KIAA1549L: variants seen among roughly 807,000 people sequenced by gnomAD.
KIAA1549L encodes the protein KIAA1549 like.
In KIAA1549L, 88 loss-of-function variants were observed where a neutral mutation model predicts 160.7. The ratio of observed to expected loss-of-function variants is 0.55; its 90% CI spans 0.46 to 0.65. KIAA1549L has a LOEUF of 0.65. KIAA1549L is among the 30% of genes least tolerant of loss of function. The probability of loss-of-function intolerance (pLI) is 0.00; values close to 1 mark genes in which losing one functional copy is unlikely to be tolerated. For synonymous variants in KIAA1549L, 950 were observed against 976.7 expected (o/e 0.97, Z 0.51); for missense variants, 2,258 against 2,437.5 (o/e 0.93, Z 1.55).
At chr11:33,467,015 T>C (rs926067044) in intron 1 of KIAA1549L, among the ~76,000 whole-genome samples, 9 of 152,070 alleles carry the variant, frequency 5.9e-5, no homozygotes, top group African/African-American at 2.2e-4. Context: ...AAATACCTAA[T>C]GTAAATGATG....
intron 17 of KIAA1549L, among the ~76,000 whole-genome samples, chr11:33,655,101 C>T (rs529326362): frequency 5.3e-4 from 80 of 152,326 alleles, no homozygotes; most frequent in Non-Finnish European, 1.0e-3. Context: ...TAGATTTTCT[C>T]TTGCTAAAGG....
At chr11:33,659,740 A>G (rs1376094424) in intron 19 of KIAA1549L, among the ~76,000 whole-genome samples, 1 of 152,212 alleles carries the variant, frequency 6.6e-6, no homozygotes, top group East Asian at 1.9e-4. Context: ...CTGGGAGGAA[A>G]ACACCTGACC....
At chr11:33,546,041 CTT>C (rs1467142428) in intron 3 of KIAA1549L, among the ~76,000 whole-genome samples, 1 of 152,158 alleles carries the variant, frequency 6.6e-6, no homozygotes, top group African/African-American at 2.4e-5. Flanking sequence ...GGAATGCTGT[CTT>C]TTAAGCCCCC....
At chr11:33,582,577 G>C (rs1171314621) in intron 10 of KIAA1549L, among the ~76,000 whole-genome samples, 2 of 152,172 alleles carry the variant, frequency 1.3e-5, no homozygotes, top group East Asian at 3.9e-4. Flanking sequence ...CCTGTCTCAA[G>C]TAAATCATAG....
At chr11:33,539,875 A>T (rs1411237137) in intron 1 of KIAA1549L, among the ~76,000 whole-genome samples, 1 of 152,230 alleles carries the variant, frequency 6.6e-6, no homozygotes, top group Non-Finnish European at 1.5e-5. Context: ...AGCATCATTA[A>T]TGACTTTCAC....
At chr11:33,449,577 T>C (rs2132968380) in intron 1 of KIAA1549L, among the ~76,000 whole-genome samples, 1 of 152,334 alleles carries the variant, frequency 6.6e-6, no homozygotes, top group South Asian at 2.1e-4. Context: ...TAGTCATTAA[T>C]GCTGTCAAGC....
intron 6 of KIAA1549L, among the ~76,000 whole-genome samples, chr11:33,556,345 G>C (rs1265409467): frequency 2.0e-5 from 3 of 152,102 alleles, no homozygotes; most frequent in African/African-American, 7.2e-5. Context: ...GACTCAAACA[G>C]GTATTTATAC....
chr11:33,558,395 G>A (rs1161849421), intron 6 of KIAA1549L, among the ~76,000 whole-genome samples: 2 of 152,118 alleles, frequency 1.3e-5, no homozygotes, highest in African/African-American at 2.4e-5. Flanking sequence ...CCGTGAGGAG[G>A]GAGTCCTCAG....
intron 17 of KIAA1549L, among the ~76,000 whole-genome samples, chr11:33,646,796 C>A (rs901455072): frequency 6.6e-6 from 1 of 152,138 alleles, no homozygotes; most frequent in Non-Finnish European, 1.5e-5. Flanking sequence ...AATCCTCCCT[C>A]TTTTTCCTTT....
chr11:33,442,572 TCTGA>T (rs943693721), intron 1 of KIAA1549L, among the ~76,000 whole-genome samples: 2 of 152,256 alleles, frequency 1.3e-5, no homozygotes, highest in Non-Finnish European at 2.9e-5. Flanking sequence ...GTCTTTTCAC[TCTGA>T]CTGCTTTTAT....
intron 1 of KIAA1549L, among the ~76,000 whole-genome samples, chr11:33,512,713 G>A (rs928049746): frequency 2.6e-5 from 4 of 152,098 alleles, no homozygotes; most frequent in African/African-American, 7.2e-5. Flanking sequence ...GAGCCATTGC[G>A]CCCGGCCCCT....
In KIAA1549L at chr11:33,635,882, A is replaced by C. The variant is rs145579930; in HGVS notation, c.5410-9804A>C. On this transcript the variant is annotated intron_variant, in intron 16 of 20. Coordinates refer to ENST00000658780, the MANE Select transcript of KIAA1549L (RefSeq NM_012194.3). The stretch of plus-strand genomic sequence containing the variant: ...ATCCCTGCCCTCATGGGGCTTATCC[A>C]GTAGTCACCACTTATCCATGGTTTC... Among the ~76,000 whole-genome samples the C allele has an allele frequency of 9.1e-3, 1,382 of 152,344 alleles. 14 individuals are homozygous for C. The highest frequency in any genetic ancestry group is 0.011 in the Non-Finnish European group (748 of 68,034).
intron 1 of KIAA1549L, among the ~76,000 whole-genome samples, chr11:33,429,513 T>A (rs1207620176): frequency 6.6e-6 from 1 of 152,176 alleles, no homozygotes; most frequent in Non-Finnish European, 1.5e-5. Flanking sequence ...CCATTTTCGG[T>A]CCTCAATGTA....
chr11:33,607,861 G>A (rs1020676562), intron 14 of KIAA1549L, among the ~76,000 whole-genome samples: 15 of 152,256 alleles, frequency 9.9e-5, no homozygotes, highest in African/African-American at 3.6e-4. Flanking sequence ...AGATGTGATG[G>A]GTAAACCTTC....
rs528540055 is a variant in KIAA1549L at position 33,415,047 on chromosome 11, A to C, written c.238+38158A>C. 9.2e-5 allele frequency among the ~76,000 whole-genome samples: 14 copies of C among 152,158 alleles called. No homozygotes were observed. In the South Asian group the frequency reaches 1.7e-3, roughly 18 times the overall value. ...TCTGACATTTAATGTTGCCAAATCA[A>C]TGACTCTTCCTTGGTGATTTCTTTC... is the stretch of plus-strand genomic sequence containing the variant. On this transcript the variant is annotated intron_variant, in intron 1 of 20. Coordinates refer to ENST00000658780, the MANE Select transcript of KIAA1549L (RefSeq NM_012194.3).
At chr11:33,396,326 A>G (rs1850372639) in intron 1 of KIAA1549L, among the ~76,000 whole-genome samples, 1 of 152,200 alleles carries the variant, frequency 6.6e-6, no homozygotes, top group African/African-American at 2.4e-5. Context: ...TGCCAGAAAA[A>G]TATCCATGAG....
intron 11 of KIAA1549L, among the ~76,000 whole-genome samples, chr11:33,588,789 T>G (rs1261380997): frequency 6.6e-6 from 1 of 152,188 alleles, no homozygotes; most frequent in Non-Finnish European, 1.5e-5. Flanking sequence ...AGAATGTCAC[T>G]GATCACCACA....
intron 1 of KIAA1549L, among the ~76,000 whole-genome samples, chr11:33,493,822 T>G (rs2133072426): frequency 6.6e-6 from 1 of 152,292 alleles, no homozygotes; most frequent in South Asian, 2.1e-4. Context: ...ACTAAGCTGA[T>G]AGTCCCATCA....
rs2094759519 is a variant in KIAA1549L, at chr11:33,551,177, A to G, written c.3639A>G (p.Gln1213=). 6.2e-7 allele frequency: 1 copy of G among 1,613,846 alleles called. No homozygotes were observed. Among genetic ancestry groups the G allele is most frequent in the African/African-American group, 1.3e-5 (1 of 74,922 alleles). Reference sequence around the variant, plus strand: ...GCAACGTCACTGCAGACCTGAAGCAACACACCCCACACTTACAGTCTGTGG... The same window carrying G: ...GCAACGTCACTGCAGACCTGAAGCAGCACACCCCACACTTACAGTCTGTGG... ...GVSNVTADLK[Q]HTPHLQSVAV... Residue 1213 remains glutamine (Q), a synonymous_variant, in exon 5 of 21, where the codon CAA becomes CAG. Transcript: ENST00000658780.
Sources: gnomAD v4.1 joint callset for allele counts (sites outside exome capture counted in the v4.1 genomes callset) on GRCh38, gnomAD v4.1.1 for gene constraint, MANE v1.5 for transcripts, NCBI Gene and HGNC (gene_info 2026-07-23, HGNC 2026-07-21) for gene names.